Variants in ECSIT observed in about 807,000 individuals in gnomAD.
ECSIT encodes the protein ECSIT signaling integrator.
ECSIT carries 29 observed loss-of-function variants against 36.8 expected under a neutral mutation model. That is an observed-to-expected ratio of 0.79 (90% CI 0.59 to 1.08). ECSIT has a LOEUF of 1.08. Among genes scored for constraint, ECSIT ranks in the 50% least tolerant of loss-of-function variants. The pLI is 0.00. For synonymous variants in ECSIT, 231 were observed against 234.8 expected (o/e 0.98, Z 0.15); for missense variants, 542 against 581.0 (o/e 0.93, Z 0.69).
chr19:11,523,449 G>C, intron 1 of ECSIT: 1 of 810,750 alleles, frequency 1.2e-6, no homozygotes, highest in East Asian at 2.5e-5. Context: ...GCCGAGGGAG[G>C]CATTGCTGCT....
chr19:11,511,858 C>T (rs142179459), intron 4 of ECSIT, among the ~76,000 whole-genome samples: 40 of 152,088 alleles, frequency 2.6e-4, no homozygotes, highest in East Asian at 2.3e-3. Flanking sequence ...CATGGTAAAA[C>T]CCCGTTTCTA....
intron 1 of ECSIT, among the ~76,000 whole-genome samples, chr19:11,526,930 G>A (rs10414494): frequency 6.6e-6 from 1 of 151,790 alleles, no homozygotes; most frequent in Non-Finnish European, 1.5e-5. Flanking sequence ...ATGTTGCTCA[G>A]GGTGGTCTCG....
chr19:11,516,659 A>G (rs1382601794), intron 2 of ECSIT, among the ~76,000 whole-genome samples: 1 of 149,278 alleles, frequency 6.7e-6, no homozygotes, highest in Non-Finnish European at 1.5e-5. Flanking sequence ...TCTCTAAAAA[A>G]TAAATGAATG....
intron 4 of ECSIT, among the ~76,000 whole-genome samples, chr19:11,511,726 G>C (rs189518579): frequency 6.6e-6 from 1 of 152,186 alleles, no homozygotes; most frequent in Admixed American, 6.6e-5. Context: ...TCATGAATGA[G>C]ATTAGTCCCC....
chr19:11,507,762 G>A lies in ECSIT; in HGVS notation c.885C>T (p.Leu295=), dbSNP rs757432842. Residue 295 remains leucine, a synonymous_variant, in exon 6 of 8, where the codon CTC becomes CTT. Transcript: ENST00000270517. ...VFVEGPFSLW[L]RNKCVYYHIL... ...TGTGGTAATACACACACTTGTTGCGGAGCCACAGGGAGAAGGGGCCCTCAA... is the reference window on the plus strand; with the variant it reads ...TGTGGTAATACACACACTTGTTGCGAAGCCACAGGGAGAAGGGGCCCTCAA... 5.0e-6 allele frequency: 8 copies of A among 1,614,002 alleles called. No homozygotes were observed. In the South Asian group the frequency reaches 8.8e-5, roughly 18 times the overall value.
At chr19:11,518,540 G>A (rs928470449) in intron 2 of ECSIT, among the ~76,000 whole-genome samples, 2 of 152,124 alleles carry the variant, frequency 1.3e-5, no homozygotes, top group African/African-American at 4.8e-5. Flanking sequence ...AGTGAGCCCT[G>A]ATTCCACCAC....
chr19:11,516,184 T>TCC (rs985224418), intron 2 of ECSIT: 1 of 151,954 alleles, frequency 6.6e-6, no homozygotes, highest in African/African-American at 2.4e-5. Context: ...AACCTGGTGG[T>TCC]CCCCCAAGTC....
chr19:11,512,359 G>A (rs1971888194), intron 4 of ECSIT, among the ~76,000 whole-genome samples: 1 of 150,972 alleles, frequency 6.6e-6, no homozygotes, highest in Non-Finnish European at 1.5e-5. Flanking sequence ...AAAATATGAA[G>A]AGGTCTGAGG....
At chr19:11,524,832 A>C (rs1361571273) in intron 1 of ECSIT, among the ~76,000 whole-genome samples, 1 of 152,002 alleles carries the variant, frequency 6.6e-6, no homozygotes, top group Non-Finnish European at 1.5e-5. Flanking sequence ...TCAAAAATAA[A>C]AAAATAAAAA....
At chr19:11,522,200 C>T (rs1355505267) in intron 1 of ECSIT, 7 of 525,278 alleles carry the variant, frequency 1.3e-5, no homozygotes, top group East Asian at 7.0e-5. Flanking sequence ...TGAAGAACTT[C>T]GGCATCTGGC....
intron 6 of ECSIT, 47 bp from the exon 7 acceptor site, chr19:11,507,609 C>T (rs777986679): frequency 6.2e-7 from 1 of 1,613,308 alleles, no homozygotes; most frequent in Admixed American, 1.7e-5. Flanking sequence ...CCAGGGCTCT[C>T]TCGGTCTCCC....
At chr19:11,522,851 A>G (rs950314873) in intron 1 of ECSIT, among the ~76,000 whole-genome samples, 1 of 152,188 alleles carries the variant, frequency 6.6e-6, no homozygotes, top group African/African-American at 2.4e-5. Context: ...CGGGTGGATC[A>G]CGAGGTCAGG....
chr19:11,506,529 CTTTTTTTTTTT>C (rs71166605), intron 7 of ECSIT, 101 bp from the exon 8 acceptor site: 6 of 678,392 alleles, frequency 8.8e-6, no homozygotes, highest in Admixed American at 6.4e-5. Flanking sequence ...CTTCCACTTC[CTTTTTTTTTTT>C]TTTTTTTTTT....
rs1972061351 is a variant in ECSIT at position 11,519,595 on chromosome 19, G to T, written c.-23-402C>A. 6.6e-6 allele frequency among the ~76,000 whole-genome samples: 1 copy of T among 152,094 alleles called. No homozygotes were observed. The highest frequency in any genetic ancestry group is 6.6e-5 in the Admixed American group (1 of 15,238). On this transcript the variant is annotated intron_variant, in intron 1 of 7. Coordinates refer to ENST00000270517, the MANE Select transcript of ECSIT (RefSeq NM_016581.5). This position sits in a 1 kb window ranked among gnomAD's most constrained non-coding sequence, Gnocchi z 4.4. ...GATCCTCCCATCTCTGTCTCCAAAA[G>T]TGCTGGGATCATGGGTGTGAGCCAG...
chr19:11,514,769 C>T (rs527468843), intron 2 of ECSIT, among the ~76,000 whole-genome samples: 8 of 152,036 alleles, frequency 5.3e-5, no homozygotes, highest in Non-Finnish European at 1.2e-4. Context: ...GTGATCATCC[C>T]GTCTCCACCT....
chr19:11,506,273 A>T lies in ECSIT; in HGVS notation c.1207T>A (p.Ser403Thr), dbSNP rs1188130218. Residue 403 changes from serine to threonine, a missense_variant, in exon 8 of 8, where the codon TCC becomes ACC. Coordinates refer to ENST00000270517, the MANE Select transcript of ECSIT (RefSeq NM_016581.5). ...GGCGGCTCCTCCAGCCCTGCAGAGG[A>T]TGTCTGGAGCTCCCGGGTGGACCCG... is the stretch of plus-strand genomic sequence containing the variant. ...LAGSTRELQT[S>T]SAGLEEPPLP... 1.2e-6 allele frequency: 2 copies of T among 1,611,916 alleles called. No individual in the cohort carries two copies. Among genetic ancestry groups the T allele is most frequent in the Admixed American group, 3.3e-5 (2 of 60,004 alleles).
chr19:11,527,339 C>A (rs751425530), intron 1 of ECSIT, among the ~76,000 whole-genome samples: 5 of 152,048 alleles, frequency 3.3e-5, no homozygotes, highest in African/African-American at 1.2e-4. Context: ...ATAAATAAAT[C>A]AACTAAAATT....
intron 1 of ECSIT, among the ~76,000 whole-genome samples, chr19:11,525,987 C>T (rs1320435035): frequency 1.3e-5 from 2 of 150,828 alleles, no homozygotes; most frequent in Admixed American, 6.6e-5. Flanking sequence ...TTTTCCCAGG[C>T]GGAGTCTTGC....
rs191209046 is a variant in ECSIT at position 11,514,329 on chromosome 19, G to C, written c.97-108C>G. 93 of 1,071,790 alleles carry C rather than the reference G, an allele frequency of 8.7e-5. No individual in the cohort carries two copies. In the East Asian group the frequency reaches 1.9e-3, roughly 22 times the overall value. 66.4% of individuals were successfully genotyped at this position (1,071,790 alleles called of 1,614,324 possible). ...GTCCCAGTGGCCTCCCTGAGGACTC[G>C]GAGGTATGGAACTGTGGTTACAAAC... On this transcript the variant is annotated intron_variant, in intron 2 of 7. Transcript: ENST00000270517.
Sources: allele counts gnomAD v4.1 joint callset (sites outside exome capture counted in the v4.1 genomes callset), GRCh38; gene constraint gnomAD v4.1.1; non-coding constraint Gnocchi (gnomAD v3.1); transcripts MANE v1.5; gene names NCBI Gene and HGNC (gene_info 2026-07-23, HGNC 2026-07-21).